CCDC171: variants seen among roughly 807,000 people sequenced by gnomAD.
CCDC171 encodes the protein coiled-coil domain-containing protein 171.
A neutral mutation model predicts 168.2 loss-of-function variants in CCDC171; 177 were observed. That is an observed-to-expected ratio of 1.05 (90% CI 0.93 to 1.19). The LOEUF (loss-of-function observed/expected upper bound fraction) is 1.19. CCDC171 is among the 50% of genes most tolerant of loss of function. The probability of loss-of-function intolerance (pLI) is 0.00; values close to 1 mark genes in which losing one functional copy is unlikely to be tolerated. For synonymous variants in CCDC171, 687 were observed against 540.8 expected, an observed-to-expected ratio of 1.27 and a Z score of -3.75; for missense variants, 1,991 against 1,539.0, an observed-to-expected ratio of 1.29 and a Z score of -4.91.
intron 16 of CCDC171, among the ~76,000 whole-genome samples, chr9:15,730,911 T>C (rs916855368): frequency 6.6e-6 from 1 of 152,032 alleles, no homozygotes; most frequent in Non-Finnish European, 1.5e-5. Context: ...AAATCTTAAG[T>C]GTATAATTTG....
chr9:15,830,032 C>T (rs2060165757), intron 21 of CCDC171, among the ~76,000 whole-genome samples: 2 of 152,070 alleles, frequency 1.3e-5, no homozygotes, highest in Admixed American at 6.5e-5. Context: ...TCTTCAGTAG[C>T]GAAGTTGGTG....
chr9:15,724,790 A>G lies in CCDC171; in HGVS notation c.1506A>G (p.Lys502=). The G allele has an allele frequency of 6.2e-7, 1 of 1,613,106 alleles. No homozygotes were observed. Among genetic ancestry groups the G allele is most frequent in the Non-Finnish European group, 8.5e-7 (1 of 1,179,228 alleles). Residue 502 remains lysine, a synonymous_variant, in exon 14 of 26, where the codon AAA becomes AAG. Transcript: ENST00000380701. ...HTKNIKELQD[K]LADVNKELSH... is the part of the protein sequence containing the mutation. ...ATCTATGACAGGAACTTCAGGATAAACTGGCTGATGTTAATAAAGAGTTAA... is the reference window on the plus strand; with the variant it reads ...ATCTATGACAGGAACTTCAGGATAAGCTGGCTGATGTTAATAAAGAGTTAA...
At chr9:15,978,057 G>A (rs544108407), downstream of CCDC171, among the ~76,000 whole-genome samples, 1 of 152,254 alleles carries the variant, frequency 6.6e-6, no homozygotes, top group South Asian at 2.1e-4. Context: ...GGCTTAGGCA[G>A]TAAAAGTGCA....
chr9:16,093,714 C>T, the CCDC171 span, among the ~76,000 whole-genome samples: 4 of 151,972 alleles, frequency 2.6e-5, no homozygotes, highest in African/African-American at 9.7e-5. Flanking sequence ...AAGAACTAGC[C>T]AAAAATTATG....
chr9:15,573,711 A>G (rs2040418183), intron 3 of CCDC171, among the ~76,000 whole-genome samples: 1 of 152,218 alleles, frequency 6.6e-6, no homozygotes, highest in Admixed American at 6.5e-5. Context: ...TTTTAAAACC[A>G]AATGCACATT....
chr9:15,706,167 A>T (rs754068195), intron 11 of CCDC171, among the ~76,000 whole-genome samples: 2 of 152,160 alleles, frequency 1.3e-5, no homozygotes, highest in Non-Finnish European at 2.9e-5. Flanking sequence ...AGAAATTCTT[A>T]TAGTAGGATG....
intron 11 of CCDC171, among the ~76,000 whole-genome samples, chr9:15,708,253 C>G (rs985007425): frequency 1.3e-5 from 2 of 152,188 alleles, no homozygotes; most frequent in African/African-American, 4.8e-5. Context: ...AAAATAGTTC[C>G]ACACTTTCAT....
At chr9:15,646,701 C>T (rs933620702) in intron 7 of CCDC171, among the ~76,000 whole-genome samples, 1 of 152,100 alleles carries the variant, frequency 6.6e-6, no homozygotes, top group East Asian at 1.9e-4. Context: ...GAAGAGCTAA[C>T]TATCCTAAAT....
At chr9:15,833,873 C>G (rs2060335401) in intron 21 of CCDC171, among the ~76,000 whole-genome samples, 1 of 152,006 alleles carries the variant, frequency 6.6e-6, no homozygotes. Context: ...TTAACTTAGC[C>G]CAAGTTTCAG....
intron 6 of CCDC171, among the ~76,000 whole-genome samples, chr9:15,596,864 C>T (rs1226096078): frequency 6.6e-6 from 1 of 152,076 alleles, no homozygotes; most frequent in Non-Finnish European, 1.5e-5. Context: ...TCTTCACATC[C>T]CTTGTAAGTT....
intron 21 of CCDC171, among the ~76,000 whole-genome samples, chr9:15,825,996 A>T (rs529184790): frequency 2.0e-5 from 3 of 152,076 alleles, no homozygotes. Flanking sequence ...AACATCTGTT[A>T]GTCTGTCAGA....
chr9:15,931,815 G>A (rs965837467), intron 25 of CCDC171, among the ~76,000 whole-genome samples: 2 of 151,434 alleles, frequency 1.3e-5, no homozygotes, highest in Non-Finnish European at 3.0e-5. Flanking sequence ...AGAGGTAGGG[G>A]GTCTAATGCC....
chr9:15,884,160 A>G (rs1819073115), intron 24 of CCDC171, among the ~76,000 whole-genome samples: 1 of 152,134 alleles, frequency 6.6e-6, no homozygotes, highest in South Asian at 2.1e-4. Context: ...CTATCCTAGA[A>G]TCACTATTTT....
intron 7 of CCDC171, among the ~76,000 whole-genome samples, chr9:15,628,500 T>C (rs1458866310): frequency 1.3e-5 from 2 of 152,200 alleles, no homozygotes; most frequent in African/African-American, 4.8e-5. Flanking sequence ...TTGCCCAGGC[T>C]TGCTTAGGTA....
At chr9:15,742,585 T>G (rs1296895720) in intron 16 of CCDC171, among the ~76,000 whole-genome samples, 1 of 152,194 alleles carries the variant, frequency 6.6e-6, no homozygotes, top group African/African-American at 2.4e-5. Context: ...GTTCCTTGCT[T>G]CTTTTAGCAC....
chr9:15,674,799 A>G (rs1374197789), intron 9 of CCDC171, among the ~76,000 whole-genome samples: 2 of 152,190 alleles, frequency 1.3e-5, no homozygotes, highest in African/African-American at 4.8e-5. Context: ...CAATTTTAGA[A>G]TAAGTGCAAC....
chr9:15,867,284 C>A (rs927028613), intron 23 of CCDC171, among the ~76,000 whole-genome samples: 3 of 151,866 alleles, frequency 2.0e-5, no homozygotes, highest in African/African-American at 7.3e-5. Context: ...CAGTGATTAA[C>A]CAGAGTAAAT....
intron 1 of CCDC171, among the ~76,000 whole-genome samples, chr9:16,059,569 C>A (rs1266463496): frequency 7.4e-6 from 1 of 134,438 alleles, no homozygotes; most frequent in Non-Finnish European, 1.5e-5. Context: ...CTGCGGACTG[C>A]AGTGGCGCAA....
At chr9:15,835,608 G>T (rs1202417251) in intron 21 of CCDC171, among the ~76,000 whole-genome samples, 1 of 152,046 alleles carries the variant, frequency 6.6e-6, no homozygotes, top group Non-Finnish European at 1.5e-5. Context: ...TGTATTTTTA[G>T]TAGAGACAGG....
Sources: allele counts gnomAD v4.1 joint callset (sites outside exome capture counted in the v4.1 genomes callset), GRCh38; gene constraint gnomAD v4.1.1; transcripts MANE v1.5; gene names NCBI Gene and HGNC (gene_info 2026-07-23, HGNC 2026-07-21).